Variants in TRIM21 observed in about 807,000 individuals in gnomAD.
TRIM21 encodes the protein E3 ubiquitin-protein ligase TRIM21.
In TRIM21, 35 loss-of-function variants were observed where a neutral mutation model predicts 36.1. The ratio of observed to expected loss-of-function variants is 0.97; its 90% CI spans 0.74 to 1.28. The LOEUF is 1.28. TRIM21 is among the 50% of genes most tolerant of loss of function. The pLI is 0.00. For synonymous variants in TRIM21, 256 were observed against 211.5 expected, an observed-to-expected ratio of 1.21 and a Z score of -1.83; for missense variants, 635 against 570.7, an observed-to-expected ratio of 1.11 and a Z score of -1.15.
rs369422094 is a variant in TRIM21 at position 4,385,444 on chromosome 11, G to A, written c.1269C>T (p.Ile423=). 87 of 1,613,288 alleles carry A rather than the reference G, an allele frequency of 5.4e-5. No homozygotes were observed. Among genetic ancestry groups the A allele is most frequent in the Non-Finnish European group, 7.2e-5 (85 of 1,179,662 alleles). The part of the protein sequence containing the change: ...YEAGMVSFYN[I]TDHGSLIYSF... ...AGTAGATGAGGGAGCCATGGTCAGT[G>A]ATGTTGTAGAAGGAGACCATGCCAG... is the stretch of plus-strand genomic sequence containing the variant. Residue 423 remains isoleucine, a synonymous_variant, in exon 7 of 7, where the codon ATC becomes ATT. Coordinates refer to ENST00000254436, the MANE Select transcript of TRIM21 (RefSeq NM_003141.4).
intron 3 of TRIM21, among the ~76,000 whole-genome samples, chr11:4,389,117 CCTT>C (rs1317434888): frequency 6.6e-6 from 1 of 152,144 alleles, no homozygotes; most frequent in Admixed American, 6.5e-5. Flanking sequence ...GGGATGGGCT[CCTT>C]CTTCTCCCCT....
intron 6 of TRIM21, 150 bp from the exon 7 acceptor site, chr11:4,386,003 G>GGTCC: frequency 9.2e-7 from 1 of 1,086,268 alleles, no homozygotes; most frequent in African/African-American, 1.6e-5. Flanking sequence ...TTCTGGCCTT[G>GGTCC]GTCCTGACCT....
At chr11:4,389,884 C>CA in intron 2 of TRIM21, 118 bp downstream of exon 2, 3 of 1,496,824 alleles carry the variant, frequency 2.0e-6, no homozygotes. Flanking sequence ...TCTCCTCCTA[C>CA]ATTAGACATG....
intron 1 of TRIM21, among the ~76,000 whole-genome samples, chr11:4,393,271 T>C (rs964305543): frequency 2.0e-5 from 3 of 152,134 alleles, no homozygotes; most frequent in Admixed American, 6.5e-5. Context: ...TAGTCCTGGC[T>C]ATCCCAGCCA....
intron 3 of TRIM21, 31 bp from the exon 4 acceptor site, chr11:4,388,561 T>G: frequency 6.3e-7 from 1 of 1,595,070 alleles, no homozygotes; most frequent in Middle Eastern, 1.7e-4. Flanking sequence ...GAGAGGTGGT[T>G]TTTATGAAAA....
At chr11:4,385,980 G>T in intron 6 of TRIM21, 127 bp from the exon 7 acceptor site, 1 of 1,125,474 alleles carries the variant, frequency 8.9e-7, no homozygotes, top group Non-Finnish European at 1.3e-6. Context: ...GTGAGGAAAT[G>T]ACCATCAGCC....
At chr11:4,391,081 C>T (rs749074571) in intron 1 of TRIM21, among the ~76,000 whole-genome samples, 4 of 152,178 alleles carry the variant, frequency 2.6e-5, no homozygotes, top group African/African-American at 4.8e-5. Context: ...AATGGGATCA[C>T]ATCATGTTGA....
Position 4,386,980 on chromosome 11 carries a change from A to G in TRIM21, c.746T>C (p.Ile249Thr), listed in dbSNP as rs1435129852. The G allele has an allele frequency of 6.3e-7, 1 of 1,582,974 alleles. No homozygotes were observed. Among genetic ancestry groups the G allele is most frequent in the South Asian group, 1.2e-5 (1 of 86,362 alleles). ...SALELLQEVI[I>T]VLERSESWNL... is the part of the protein sequence containing the mutation. ...AACTCCTCCTTACCTTTCCAGGACA[A>G]TTATCACCTCCTGAGGAGAAAAGAG... The change falls in exon 5 of 7, where the codon ATT (isoleucine) becomes ACT (threonine). Residue 249 changes from isoleucine (I) to threonine (T), a missense_variant. Physicochemically the swap from Ile to Thr is moderately conservative, Grantham distance 89. Coordinates refer to ENST00000254436, the MANE Select transcript of TRIM21 (RefSeq NM_003141.4).
At chr11:4,386,436 C>T (rs1221871593) in intron 5 of TRIM21, 179 bp from the exon 6 acceptor site, 1 of 663,650 alleles carries the variant, frequency 1.5e-6, no homozygotes, top group Non-Finnish European at 2.7e-6. Context: ...AGTTTCTACC[C>T]AGGAGTTCCT....
chr11:4,391,498 A>ATTTTT (rs1174836641), intron 1 of TRIM21, among the ~76,000 whole-genome samples: 1 of 152,204 alleles, frequency 6.6e-6, no homozygotes, highest in East Asian at 1.9e-4. Context: ...TAGTACAATC[A>ATTTTT]CTACAGAGAA....
At chr11:4,386,619 T>C (rs1371891425) in intron 5 of TRIM21, among the ~76,000 whole-genome samples, 1 of 152,262 alleles carries the variant, frequency 6.6e-6, no homozygotes, top group Middle Eastern at 3.4e-3. Context: ...TACTCATGGC[T>C]CTTTTTGGGA....
Position 4,385,137 on chromosome 11 carries a change from G to A in TRIM21, c.*148C>T, listed in dbSNP as rs967120098. On this transcript the variant is annotated 3_prime_UTR_variant, in exon 7 of 7. Coordinates refer to ENST00000254436, the MANE Select transcript of TRIM21 (RefSeq NM_003141.4). ...CATCTGGGGCAGGAATGTTGATGGT[G>A]AAGTGACTTCCCTGCTAAAGCTCGC... The A allele has an allele frequency of 1.4e-6, 1 of 704,394 alleles. No homozygotes were observed. Among genetic ancestry groups the A allele is most frequent in the African/African-American group, 1.8e-5 (1 of 55,630 alleles). The allele number at this position is 704,394 out of a possible 1,614,324, so 43.6% of individuals were successfully genotyped here.
At position 4,385,002 on chromosome 11, in the gene TRIM21, G is replaced by GA. The variant is rs201396821; in HGVS notation, c.*282dup. The GA allele has an allele frequency of 0.038, 12,970 of 339,108 alleles. 3 individuals carry two copies. The highest frequency in any genetic ancestry group is 0.046 in the Non-Finnish European group (8,626 of 187,848). The allele number at this position is 339,108 out of a possible 1,614,324, so 21.0% of individuals were successfully genotyped here. On this transcript the variant is annotated 3_prime_UTR_variant, in exon 7 of 7. Coordinates refer to ENST00000254436, the MANE Select transcript of TRIM21 (RefSeq NM_003141.4). ...GACGACATCCTAGAGATGGAGAGGA[G>GA]AAAAAAAAAACTTAAGTCCCATAAA...
chr11:4,387,623 AG>A (rs1168081343), intron 4 of TRIM21, among the ~76,000 whole-genome samples: 2 of 152,212 alleles, frequency 1.3e-5, no homozygotes, highest in East Asian at 3.9e-4. Context: ...TGGGAGGCTG[AG>A]GGGGGCAGAT....
chr11:4,389,559 C>A, intron 3 of TRIM21, 95 bp downstream of exon 3: 2 of 1,064,454 alleles, frequency 1.9e-6, no homozygotes, highest in South Asian at 1.3e-5. Flanking sequence ...TATCACTGCT[C>A]AGAGAGGCAC....
At position 4,389,664 on chromosome 11, in the gene TRIM21, GCT is replaced by G. The variant is rs2094960346; in HGVS notation, c.492_493del (p.Arg164SerfsTer13). ...GGATGTCATTCTTACCTTCCAGTCT[GCT>G]CTCTTTATTGCAATTTCCACTTCCA... On this transcript the variant is annotated frameshift_variant, in exon 3 of 7. Coordinates refer to ENST00000254436, the MANE Select transcript of TRIM21 (RefSeq NM_003141.4). LOFTEE classifies it high-confidence loss of function. 1 of 1,613,548 alleles carries G rather than the reference GCT, an allele frequency of 6.2e-7. No individual in the cohort carries two copies. Among genetic ancestry groups the G allele is most frequent in the African/African-American group, 1.3e-5 (1 of 74,892 alleles).
At position 4,385,425 on chromosome 11, in the gene TRIM21, T is replaced by A. The variant is rs1223595216; in HGVS notation, c.1288A>T (p.Ile430Phe). ...FYNITDHGSL[I>F]YSFSECAFTG... ...AAGGCACATTCAGAGAAGGAGTAGATGAGGGAGCCATGGTCAGTGATGTTG... is the reference window on the plus strand; with the variant it reads ...AAGGCACATTCAGAGAAGGAGTAGAAGAGGGAGCCATGGTCAGTGATGTTG... Residue 430 changes from isoleucine to phenylalanine, a missense_variant, in exon 7 of 7, where the codon ATC becomes TTC. By Grantham distance (21) the Ile-to-Phe change is conservative. Transcript: ENST00000254436. 1.2e-6 allele frequency: 2 copies of A among 1,613,572 alleles called. No homozygotes were observed. The highest frequency in any genetic ancestry group is 1.7e-6 in the Non-Finnish European group (2 of 1,179,826).
intron 1 of TRIM21, among the ~76,000 whole-genome samples, chr11:4,391,931 A>G (rs1437285111): frequency 6.6e-6 from 1 of 152,184 alleles, no homozygotes; most frequent in Non-Finnish European, 1.5e-5. Context: ...GAGGCTGGGA[A>G]GAGTAATAGG....
rs747163318 is a variant in TRIM21, at chr11:4,390,274, C to T, written c.136G>A (p.Gly46Ser). The T allele has an allele frequency of 1.9e-6, 3 of 1,613,992 alleles. No homozygotes were observed. The highest frequency in any genetic ancestry group is 8.5e-7 in the Non-Finnish European group (1 of 1,179,900). Residue 46 changes from glycine to serine, a missense_variant, in exon 2 of 7, where the codon GGT becomes AGT. By Grantham distance (56) the Gly-to-Ser change is moderately conservative. Coordinates refer to ENST00000254436, the MANE Select transcript of TRIM21 (RefSeq NM_003141.4). ...CQECISQVGKGGGSVCPVCRQ... is the reference protein window; with the variant it reads ...CQECISQVGKSGGSVCPVCRQ... ...CACACAGGACAGACGCTGCCCCCAC[C>T]TTTCCCAACCTGAGAGATGCATTCC... is the stretch of plus-strand genomic sequence containing the variant.
Sources: gnomAD v4.1 joint callset for allele counts (sites outside exome capture counted in the v4.1 genomes callset) on GRCh38, gnomAD v4.1.1 for gene constraint, MANE v1.5 for transcripts, NCBI Gene and HGNC (gene_info 2026-07-23, HGNC 2026-07-21) for gene names.